DSCAM: variants seen among roughly 807,000 people sequenced by gnomAD.
DSCAM encodes the protein cell adhesion molecule DSCAM.
DSCAM carries 47 observed loss-of-function variants against 217.7 expected under a neutral mutation model. That is an observed-to-expected ratio of 0.22 (90% confidence interval 0.17 to 0.28). DSCAM has a LOEUF of 0.28. Ranked by LOEUF, DSCAM falls within the 10% of genes least tolerant of loss-of-function variation. The probability of loss-of-function intolerance (pLI) is 1.00; values close to 1 mark genes in which losing one functional copy is unlikely to be tolerated. For synonymous variants in DSCAM, 1,056 were observed against 1,015.3 expected, an observed-to-expected ratio of 1.04 and a Z score of -0.76; for missense variants, 2,080 against 2,618.3, an observed-to-expected ratio of 0.79 and a Z score of 4.49.
intron 1 of DSCAM, among the ~76,000 whole-genome samples, chr21:40,761,170 T>A (rs1406153072): frequency 6.6e-6 from 1 of 152,186 alleles, no homozygotes; most frequent in Non-Finnish European, 1.5e-5. Flanking sequence ...GACTTTATCA[T>A]CCTTGAGTCT....
intron 1 of DSCAM, among the ~76,000 whole-genome samples, chr21:40,808,415 TGAG>T (rs745865147): frequency 7.9e-5 from 12 of 151,338 alleles, no homozygotes; most frequent in Non-Finnish European, 1.6e-4. Flanking sequence ...TGGCAGGAGA[TGAG>T]GAGAGAGAGA....
At chr21:40,541,518 T>C (rs2076542625) in intron 3 of DSCAM, among the ~76,000 whole-genome samples, 1 of 152,206 alleles carries the variant, frequency 6.6e-6, no homozygotes, top group Non-Finnish European at 1.5e-5. Flanking sequence ...ACTTCATAAA[T>C]TGAAAGTTAT....
chr21:40,676,474 T>C (rs910397687), intron 3 of DSCAM, among the ~76,000 whole-genome samples: 2 of 152,264 alleles, frequency 1.3e-5, no homozygotes, highest in Non-Finnish European at 2.9e-5. Context: ...TACTTAGCGA[T>C]GGAATTGTGT....
At chr21:40,652,240 G>A (rs150667897) in intron 3 of DSCAM, among the ~76,000 whole-genome samples, 4 of 151,826 alleles carry the variant, frequency 2.6e-5, no homozygotes, top group South Asian at 2.1e-4. Flanking sequence ...TGATCTGTGC[G>A]GCAAACCACC....
intron 3 of DSCAM, among the ~76,000 whole-genome samples, chr21:40,448,603 C>A (rs2075694211): frequency 6.6e-6 from 1 of 151,798 alleles, no homozygotes; most frequent in African/African-American, 2.4e-5. Context: ...TATAATAAAT[C>A]AATAATAAAT....
At chr21:40,558,968 G>C (rs1242400040) in intron 3 of DSCAM, among the ~76,000 whole-genome samples, 2 of 152,158 alleles carry the variant, frequency 1.3e-5, no homozygotes, top group African/African-American at 4.8e-5. Flanking sequence ...CCCGATTAAA[G>C]GACAGTCACA....
chr21:40,173,106 G>A (rs550839608), intron 15 of DSCAM, among the ~76,000 whole-genome samples: 12 of 152,276 alleles, frequency 7.9e-5, no homozygotes, highest in African/African-American at 2.9e-4. Flanking sequence ...AGCAGTGAGT[G>A]AGCAGAACAA....
Position 40,109,568 on chromosome 21 carries a change from A to G in DSCAM, c.3696+14627T>C, listed in dbSNP as rs528554359. Among the ~76,000 whole-genome samples the G allele has an allele frequency of 2.0e-5, 3 of 152,294 alleles. No individual in the cohort carries two copies. In the South Asian group the frequency reaches 6.2e-4, roughly 32 times the overall value. ...CTCACTGGGGAGTGTCGGACAGTGGACGCAGGACAGCGGGTGCAGCGCACC... is the reference window on the plus strand; with the variant it reads ...CTCACTGGGGAGTGTCGGACAGTGGGCGCAGGACAGCGGGTGCAGCGCACC... On this transcript the variant is annotated intron_variant, in intron 20 of 32. Coordinates refer to ENST00000400454, the MANE Select transcript of DSCAM (RefSeq NM_001389.5).
intron 3 of DSCAM, among the ~76,000 whole-genome samples, chr21:40,493,371 G>A (rs969675720): frequency 5.9e-5 from 9 of 152,052 alleles, no homozygotes; most frequent in Admixed American, 2.0e-4. Flanking sequence ...TAAACAACAC[G>A]AAAATATATG....
At chr21:40,282,431 C>CAA (rs577601383) in intron 10 of DSCAM, among the ~76,000 whole-genome samples, 7 of 146,700 alleles carry the variant, frequency 4.8e-5, no homozygotes, top group Admixed American at 4.8e-4. Context: ...ACTAAAAATA[C>CAA]AAAAAAAAAA....
intron 3 of DSCAM, among the ~76,000 whole-genome samples, chr21:40,403,610 TGTATGCAAGCATGCATGTGCACACACAC>T (rs2075256625): frequency 6.7e-6 from 1 of 148,626 alleles, no homozygotes; most frequent in Admixed American, 6.9e-5. Flanking sequence ...CTTACATACA[TGTATGCAAGCATGCATGTGCACACACAC>T]ACACACACAC....
chr21:40,130,513 A>T (rs1193207734), intron 19 of DSCAM, among the ~76,000 whole-genome samples: 3 of 152,212 alleles, frequency 2.0e-5, no homozygotes, highest in Non-Finnish European at 4.4e-5. Flanking sequence ...CTCTGACTAC[A>T]GGCATGAGAA....
At chr21:40,114,897 TA>T (rs879634825) in intron 20 of DSCAM, among the ~76,000 whole-genome samples, 6 of 152,110 alleles carry the variant, frequency 3.9e-5, no homozygotes, top group Non-Finnish European at 7.3e-5. Context: ...TGGCTATCAT[TA>T]AAAAGTCAGG....
intron 3 of DSCAM, among the ~76,000 whole-genome samples, chr21:40,497,404 T>C (rs2076127464): frequency 6.6e-6 from 1 of 150,640 alleles, no homozygotes; most frequent in African/African-American, 2.5e-5. Context: ...ATCTCATATG[T>C]GAAATCTAAA....
chr21:40,252,792 T>C (rs945665656), intron 11 of DSCAM, among the ~76,000 whole-genome samples: 2 of 152,206 alleles, frequency 1.3e-5, no homozygotes, highest in African/African-American at 4.8e-5. Flanking sequence ...GCTTAAGTTC[T>C]GCTACTCTCA....
In DSCAM at chr21:40,692,874, G is replaced by A. The variant is rs760326251; in HGVS notation, c.444C>T (p.Pro148=). Residue 148 remains proline, a synonymous_variant, in exon 3 of 33, where the codon CCC becomes CCT. Transcript: ENST00000400454. ...GNVAVFKCII[P]SSVEAYITVV... is the part of the protein sequence containing the mutation. ...CAGTGATGTACGCCTCCACCGAGGA[G>A]GGGATAATGCACTTGAAGACCGCAA... 6 of 1,613,922 alleles carry A rather than the reference G, an allele frequency of 3.7e-6. No individual in the cohort carries two copies. In the East Asian group the frequency reaches 6.7e-5, roughly 18 times the overall value.
chr21:40,786,421 A>G (rs533650357), intron 1 of DSCAM, among the ~76,000 whole-genome samples: 1 of 152,296 alleles, frequency 6.6e-6, no homozygotes, highest in South Asian at 2.1e-4. Context: ...GCTACCTATA[A>G]TGAGGTCCAC....
At chr21:40,707,502 G>T (rs1262317421) in intron 2 of DSCAM, among the ~76,000 whole-genome samples, 1 of 152,168 alleles carries the variant, frequency 6.6e-6, no homozygotes, top group Non-Finnish European at 1.5e-5. Flanking sequence ...ACATCAAAGA[G>T]ATCATATGCA....
At chr21:40,578,753 T>C (rs755300723) in intron 3 of DSCAM, among the ~76,000 whole-genome samples, 4 of 152,094 alleles carry the variant, frequency 2.6e-5, no homozygotes, top group Admixed American at 1.3e-4. Context: ...CAAGAACCCA[T>C]AGGAAGGAAT....
Sources: gnomAD v4.1 joint callset for allele counts (sites outside exome capture counted in the v4.1 genomes callset) on GRCh38, gnomAD v4.1.1 for gene constraint, MANE v1.5 for transcripts, NCBI Gene and HGNC (gene_info 2026-07-23, HGNC 2026-07-21) for gene names.